Variants in CAV1 observed in about 807,000 individuals in gnomAD.
The protein encoded by CAV1 is caveolin-1.
CAV1 carries 10 observed loss-of-function variants against 16.5 expected under a neutral mutation model. That is an observed-to-expected ratio of 0.61 (90% CI 0.37 to 1.03). The LOEUF is 1.03. CAV1 is among the 50% of genes least tolerant of loss of function. The pLI is 0.01. For missense variants in CAV1, 212 were observed against 232.8 expected (o/e 0.91, Z 0.58); for synonymous variants, 76 against 85.1 (o/e 0.89, Z 0.59).
chr7:116,527,254 T>C (rs779320899), intron 2 of CAV1, among the ~76,000 whole-genome samples: 1 of 152,236 alleles, frequency 6.6e-6, no homozygotes, highest in Admixed American at 6.5e-5. Context: ...TTCATATACA[T>C]ATGAAAGTTA....
intron 2 of CAV1, among the ~76,000 whole-genome samples, chr7:116,543,428 G>A (rs1793977837): frequency 6.6e-6 from 1 of 152,110 alleles, no homozygotes; most frequent in Non-Finnish European, 1.5e-5. Context: ...GAATGCAAAA[G>A]GACCACAAAT....
In CAV1 at chr7:116,526,610, A is replaced by T; in HGVS notation, c.116A>T (p.Lys39Met). 6.2e-7 allele frequency: 1 copy of T among 1,614,184 alleles called. No individual in the cohort carries two copies. The highest frequency in any genetic ancestry group is 8.5e-7 in the Non-Finnish European group (1 of 1,180,028). ...GCCATGGCAGACGAGCTGAGCGAGA[A>T]GCAAGTGTACGACGCGCACACCAAG... ...NKAMADELSE[K>M]QVYDAHTKEI... The change falls in exon 2 of 3, where the codon AAG (lysine) becomes ATG (methionine). Residue 39 changes from lysine (K) to methionine (M), a missense_variant. Physicochemically the swap from Lys to Met is moderately conservative, Grantham distance 95. Transcript: ENST00000341049.
intron 2 of CAV1, among the ~76,000 whole-genome samples, chr7:116,535,587 G>T (rs745892929): frequency 1.3e-5 from 2 of 152,174 alleles, no homozygotes; most frequent in Admixed American, 1.3e-4. Context: ...TTTAGGGTGG[G>T]GGAAGTGTTT....
chr7:116,559,220 A>G lies in CAV1; in HGVS notation c.470A>G (p.Asp157Gly). The change falls in exon 3 of 3, where the codon GAC (aspartate) becomes GGC (glycine). Residue 157 changes from aspartate to glycine, a missense_variant. Transcript: ENST00000341049. ...VYSIYVHTVC[D>G]PLFEAVGKIF... ...TCCATCTACGTCCACACCGTCTGTG[A>G]CCCACTCTTTGAAGCTGTTGGGAAA... 6.2e-7 allele frequency: 1 copy of G among 1,613,990 alleles called. No homozygotes were observed. Among genetic ancestry groups the G allele is most frequent in the Non-Finnish European group, 8.5e-7 (1 of 1,179,910 alleles).
At chr7:116,533,273 G>A (rs536955910) in intron 2 of CAV1, among the ~76,000 whole-genome samples, 292 of 152,046 alleles carry the variant, frequency 1.9e-3, no homozygotes, top group Non-Finnish European at 3.0e-3. Context: ...AGGAGGCCAA[G>A]ATTGCAGTGA....
intron 2 of CAV1, among the ~76,000 whole-genome samples, chr7:116,530,207 C>CTTTTTTTTT (rs1423844927): frequency 2.8e-5 from 1 of 35,114 alleles, no homozygotes; most frequent in African/African-American, 8.6e-5. Context: ...GGTCCTTTTT[C>CTTTTTTTTT]CTTTTTTTTT....
intron 2 of CAV1, among the ~76,000 whole-genome samples, chr7:116,548,481 T>C (rs530470750): frequency 2.0e-5 from 3 of 152,294 alleles, no homozygotes; most frequent in South Asian, 2.1e-4. Context: ...TCCTCTTGCT[T>C]GGATCACACA....
chr7:116,558,957 A>G lies in CAV1; in HGVS notation c.207A>G (p.Glu69=). 1 of 1,612,940 alleles carries G rather than the reference A, an allele frequency of 6.2e-7. No individual in the cohort carries two copies. The highest frequency in any genetic ancestry group is 8.5e-7 in the Non-Finnish European group (1 of 1,179,156). Residue 69 remains glutamate, a synonymous_variant, in exon 3 of 3, where the codon GAA becomes GAG. Transcript: ENST00000341049. ...LNDDVVKIDF[E]DVIAEPEGTH... ...CTTCTTCCTTTTAGATTGACTTTGA[A>G]GATGTGATTGCAGAACCAGAAGGGA... is the stretch of plus-strand genomic sequence containing the variant.
chr7:116,552,371 T>C (rs757947613), intron 2 of CAV1, among the ~76,000 whole-genome samples: 9 of 152,200 alleles, frequency 5.9e-5, no homozygotes, highest in Non-Finnish European at 1.2e-4. Flanking sequence ...TGAAAAGATA[T>C]GTTGAGGTCA....
chr7:116,532,739 G>C (rs939842939), intron 2 of CAV1, among the ~76,000 whole-genome samples: 9 of 152,174 alleles, frequency 5.9e-5, no homozygotes, highest in African/African-American at 2.2e-4. Context: ...ACAAATATTT[G>C]CAACTTTTGT....
chr7:116,525,716 G>A, intron 1 of CAV1: 2 of 1,064,842 alleles, frequency 1.9e-6, no homozygotes, highest in Non-Finnish European at 2.3e-6. Flanking sequence ...GCCCGGGTGT[G>A]GAAACCTCGT....
intron 1 of CAV1, chr7:116,525,835 G>C (rs77735289): frequency 3.7e-5 from 37 of 1,001,806 alleles, no homozygotes; most frequent in Non-Finnish European, 4.3e-5. Flanking sequence ...CATTTAGGGG[G>C]TCTGGTGCCT....
At chr7:116,525,020 C>T (rs371448608), upstream of CAV1, 20 of 1,611,702 alleles carry the variant, frequency 1.2e-5, no homozygotes, top group African/African-American at 1.6e-4. Context: ...AAAGCACAGC[C>T]CAGGGAAACC....
intron 2 of CAV1, among the ~76,000 whole-genome samples, chr7:116,553,909 C>G (rs995935415): frequency 2.0e-5 from 3 of 152,164 alleles, no homozygotes; most frequent in Non-Finnish European, 1.5e-5. Context: ...TGTTTAATTT[C>G]AGGTGCAGGT....
At position 116,559,607 on chromosome 7, in the gene CAV1, T is replaced by G. The variant is rs1372981610; in HGVS notation, c.*320T>G. On this transcript the variant is annotated 3_prime_UTR_variant, in exon 3 of 3. Transcript: ENST00000341049. ...GTAATTTGAGAGAAATATGAAGAACTGAGGAGGAAAAAAAAAAAAAAGAAA... is the reference window on the plus strand; with the variant it reads ...GTAATTTGAGAGAAATATGAAGAACGGAGGAGGAAAAAAAAAAAAAAGAAA... 7 of 466,034 alleles carry G rather than the reference T, an allele frequency of 1.5e-5. No homozygotes were observed. Among genetic ancestry groups the G allele is most frequent in the East Asian group, 3.3e-5 (1 of 30,080 alleles). 28.9% of individuals were successfully genotyped at this position (466,034 alleles called of 1,614,324 possible). A position where few individuals can be genotyped will look rare whatever the true frequency, so the allele number is the denominator to read the frequency against.
At chr7:116,541,982 G>T (rs1002291051) in intron 2 of CAV1, among the ~76,000 whole-genome samples, 4 of 152,144 alleles carry the variant, frequency 2.6e-5, no homozygotes, top group Non-Finnish European at 4.4e-5. Context: ...ACATACATAT[G>T]AACACTTTCC....
chr7:116,530,498 G>C (rs1157982680), intron 2 of CAV1, among the ~76,000 whole-genome samples: 2 of 152,146 alleles, frequency 1.3e-5, no homozygotes, highest in East Asian at 3.8e-4. Flanking sequence ...GGGAGACCCA[G>C]CCATGAAAAG....
chr7:116,526,036 A>AGGGATCTTAGATAAAG, intron 1 of CAV1: 1 of 205,298 alleles, frequency 4.9e-6, no homozygotes, highest in Non-Finnish European at 8.6e-6. Context: ...TCTTAGATAA[A>AGGGATCTTAGATAAAG]GCTGGAAGGG....
At chr7:116,528,827 T>C (rs1344830544) in intron 2 of CAV1, among the ~76,000 whole-genome samples, 10 of 151,866 alleles carry the variant, frequency 6.6e-5, no homozygotes, top group Admixed American at 6.6e-4. Flanking sequence ...TTATTTTTAT[T>C]TATTTATTTA....
Sources: gnomAD v4.1 joint callset for allele counts (sites outside exome capture counted in the v4.1 genomes callset) on GRCh38, gnomAD v4.1.1 for gene constraint, MANE v1.5 for transcripts, NCBI Gene and HGNC (gene_info 2026-07-23, HGNC 2026-07-21) for gene names.